AFF1: variants seen among roughly 807,000 people sequenced by gnomAD.
AFF1 encodes the protein ALF transcription elongation factor 1.
A neutral mutation model predicts 121.7 loss-of-function variants in AFF1; 48 were observed. The observed-to-expected ratio is 0.39, with a 90% CI of 0.31 to 0.50. The LOEUF (loss-of-function observed/expected upper bound fraction) is 0.50, where lower values mean the gene tolerates loss of function less well. AFF1 is among the 20% of genes least tolerant of loss of function. The pLI is 0.76. For missense variants in AFF1, 1,523 were observed against 1,511.7 expected (o/e 1.01, Z -0.12); for synonymous variants, 613 against 563.0 (o/e 1.09, Z -1.26).
In AFF1 at chr4:87,139,400, A is replaced by G. The variant is rs1729544990; in HGVS notation, c.*3699A>G. 8.6e-6 allele frequency: 2 copies of G among 232,968 alleles called. No homozygotes were observed. The highest frequency in any genetic ancestry group is 1.1e-4 in the Admixed American group (2 of 17,742). 14.4% of individuals were successfully genotyped at this position (232,968 alleles called of 1,614,324 possible). On this transcript the variant is annotated 3_prime_UTR_variant, in exon 21 of 21. Transcript: ENST00000395146. ...TTGTACTTAAACCTGCTTGCTTCCTACCACAGATTCTTTATTTTCCCAAAC... is the reference window on the plus strand; with the variant it reads ...TTGTACTTAAACCTGCTTGCTTCCTGCCACAGATTCTTTATTTTCCCAAAC...
At chr4:87,105,521 C>G in intron 8 of AFF1, 107 bp from the exon 9 acceptor site, 1 of 1,239,416 alleles carries the variant, frequency 8.1e-7, no homozygotes, top group Non-Finnish European at 1.2e-6. Context: ...AAAACTTACA[C>G]ATATCCTCTC....
intron 7 of AFF1, among the ~76,000 whole-genome samples, chr4:87,094,011 C>G (rs752949059): frequency 4.6e-5 from 7 of 152,106 alleles, no homozygotes; most frequent in Non-Finnish European, 8.8e-5. Flanking sequence ...CATAGCCCAG[C>G]AAATACAGTC....
At chr4:87,076,186 G>A (rs749618842) in intron 4 of AFF1, among the ~76,000 whole-genome samples, 4 of 152,130 alleles carry the variant, frequency 2.6e-5, no homozygotes, top group African/African-American at 9.7e-5. Context: ...TTCCTTGTTC[G>A]TTTCATAATA....
At chr4:87,081,152 ATTTTTTTT>A (rs549510832) in intron 4 of AFF1, among the ~76,000 whole-genome samples, 20 of 89,722 alleles carry the variant, frequency 2.2e-4, no homozygotes, top group Admixed American at 7.1e-4. Flanking sequence ...AATGAAATGA[ATTTTTTTT>A]TTTTTTTTTT....
At position 87,115,237 on chromosome 4, in the gene AFF1, A is replaced by G. The variant is rs1457513590; in HGVS notation, c.2404A>G (p.Lys802Glu). The change falls in exon 12 of 21, where the codon AAG (lysine) becomes GAG (glutamate). Residue 802 changes from lysine to glutamate, a missense_variant. This residue lies in a region of AFF1 where 905 missense variants were observed against 842.5 expected (regional missense o/e 1.07). Transcript: ENST00000395146. ...AGAAGATAAACAGCCGCCCGCAGGG[A>G]AGAAGCACAGCTCTGAGAAGAGGAG... ...KAEDKQPPAGKKHSSEKRSSD... is the reference protein window; with the variant it reads ...KAEDKQPPAGEKHSSEKRSSD... 2 of 1,613,946 alleles carry G rather than the reference A, an allele frequency of 1.2e-6. No individual in the cohort carries two copies. The highest frequency in any genetic ancestry group is 1.7e-6 in the Non-Finnish European group (2 of 1,179,974).
At chr4:87,091,721 G>C in intron 6 of AFF1, 72 bp from the exon 7 acceptor site, 1 of 1,056,844 alleles carries the variant, frequency 9.5e-7, no homozygotes, top group Non-Finnish European at 1.4e-6. Context: ...AATACTAAAA[G>C]CTCAACGGTT....
At chr4:86,950,032 A>C in intron 2 of AFF1, 1 of 1,613,964 alleles carries the variant, frequency 6.2e-7, no homozygotes, top group South Asian at 1.1e-5. Context: ...CTCCGTAGGT[A>C]GGGGGAGTGT....
intron 1 of AFF1, among the ~76,000 whole-genome samples, chr4:86,941,420 G>T (rs925419812): frequency 1.3e-5 from 2 of 152,168 alleles, no homozygotes; most frequent in Non-Finnish European, 2.9e-5. Context: ...CACTTTGGGA[G>T]GCCAAGGCGG....
chr4:86,942,962 AT>A (rs1453325734), intron 1 of AFF1, among the ~76,000 whole-genome samples: 2 of 152,238 alleles, frequency 1.3e-5, no homozygotes, highest in African/African-American at 4.8e-5. Flanking sequence ...AGCTAAACAC[AT>A]TCCTAACCCA....
intron 2 of AFF1, among the ~76,000 whole-genome samples, chr4:86,958,293 C>T (rs1175633786): frequency 2.0e-5 from 3 of 151,528 alleles, no homozygotes. Flanking sequence ...CGGGGTTTCA[C>T]CATGTTAGGC....
rs145094914 is a variant in AFF1, at chr4:86,949,918, C to CGG, written c.38+1348_38+1349insGG. The stretch of plus-strand genomic sequence containing the variant: ...TCTTGGTGGGGTATGGGATCTTCCG[C>CGG]GTCTTGGACCCAGCGGGCCGCAGGT... On this transcript the variant is annotated intron_variant, in intron 2 of 20. Transcript: ENST00000395146. The CGG allele has an allele frequency of 1.6e-3, 2,521 of 1,614,018 alleles. 37 individuals are homozygous for CGG. In the African/African-American group the frequency reaches 0.03, roughly 19 times the overall value.
intron 19 of AFF1, among the ~76,000 whole-genome samples, chr4:87,133,544 A>G (rs1729034168): frequency 6.6e-6 from 1 of 152,210 alleles, no homozygotes; most frequent in Non-Finnish European, 1.5e-5. Context: ...TGTCAATCAC[A>G]TTATTTACAT....
At chr4:87,055,808 G>T (rs1720066660) in intron 4 of AFF1, among the ~76,000 whole-genome samples, 1 of 152,084 alleles carries the variant, frequency 6.6e-6, no homozygotes, top group Admixed American at 6.5e-5. Context: ...GAGGATCCTG[G>T]TTCATGTTAA....
chr4:87,070,005 T>A (rs1721860171), intron 4 of AFF1, among the ~76,000 whole-genome samples: 1 of 151,616 alleles, frequency 6.6e-6, no homozygotes, highest in Non-Finnish European at 1.5e-5. Flanking sequence ...TTGTTGGTTT[T>A]GTTTTTATTT....
intron 2 of AFF1, among the ~76,000 whole-genome samples, chr4:86,997,617 C>A (rs914388702): frequency 3.3e-5 from 5 of 151,662 alleles, no homozygotes; most frequent in African/African-American, 9.7e-5. Context: ...AAAAAATTAG[C>A]CGAGTGTGGT....
intron 2 of AFF1, among the ~76,000 whole-genome samples, chr4:87,004,557 G>T (rs755088530): frequency 8.5e-5 from 13 of 152,106 alleles, no homozygotes; most frequent in Non-Finnish European, 1.8e-4. Context: ...TCTCATACAG[G>T]TTATCCAAAA....
chr4:87,119,854 A>C (rs902057239), intron 12 of AFF1, among the ~76,000 whole-genome samples: 8 of 152,216 alleles, frequency 5.3e-5, no homozygotes, highest in Admixed American at 1.3e-4. Flanking sequence ...CGTTTTGAAG[A>C]GTGAGGAAGG....
At chr4:86,948,796 A>T (rs78407855) in intron 2 of AFF1, among the ~76,000 whole-genome samples, 9,777 of 152,032 alleles carry the variant, frequency 0.064, 1,039 homozygotes, top group African/African-American at 0.22. Context: ...CATTTTTTTT[A>T]AAAATGTGGA....
intron 2 of AFF1, chr4:87,036,874 T>A (rs757659649): frequency 7.8e-5 from 36 of 461,388 alleles, no homozygotes; most frequent in Non-Finnish European, 1.5e-4. Context: ...GCTCCATCGC[T>A]GAGGCTGGAG....
Sources: allele counts gnomAD v4.1 joint callset (sites outside exome capture counted in the v4.1 genomes callset), GRCh38; gene constraint gnomAD v4.1.1; regional missense constraint gnomAD v4.1.1; transcripts MANE v1.5; gene names NCBI Gene and HGNC (gene_info 2026-07-23, HGNC 2026-07-21).